Variants in EXOC6B observed in about 807,000 individuals in gnomAD.
The protein encoded by EXOC6B is exocyst complex component 6B, also known as SEC15 homolog B.
Under a neutral mutation model 113.5 loss-of-function variants are expected in EXOC6B, and 54 were observed. The observed-to-expected ratio is 0.48, with a 90% confidence interval of 0.38 to 0.60. EXOC6B has a LOEUF of 0.60. Among genes scored for constraint, EXOC6B ranks in the 20% least tolerant of loss-of-function variants. EXOC6B has a pLI of 0.00. For missense variants in EXOC6B, 797 were observed against 977.5 expected, an observed-to-expected ratio of 0.82 and a Z score of 2.46; for synonymous variants, 357 against 339.0, an observed-to-expected ratio of 1.05 and a Z score of -0.58.
chr2:72,654,561 T>C (rs1401716439), intron 6 of EXOC6B, among the ~76,000 whole-genome samples: 1 of 152,240 alleles, frequency 6.6e-6, no homozygotes, highest in Non-Finnish European at 1.5e-5. Context: ...TCCAGAGATG[T>C]AAATTAAACA....
intron 20 of EXOC6B, among the ~76,000 whole-genome samples, chr2:72,240,384 T>A (rs1682236996): frequency 6.6e-6 from 1 of 152,062 alleles, no homozygotes; most frequent in African/African-American, 2.4e-5. Context: ...TATTCTTGAG[T>A]ATCAAAGCCC....
intron 20 of EXOC6B, among the ~76,000 whole-genome samples, chr2:72,329,116 CT>C (rs1208212301): frequency 3.3e-5 from 5 of 152,104 alleles, no homozygotes; most frequent in African/African-American, 1.2e-4. Context: ...TGTATTTTCT[CT>C]ACCAAGAATA....
intron 18 of EXOC6B, among the ~76,000 whole-genome samples, chr2:72,384,046 A>G (rs641939): frequency 0.36 from 54,965 of 151,882 alleles, 16,195 homozygotes; most frequent in African/African-American, 0.82. Flanking sequence ...TACCTTTCAG[A>G]CACTATGCTT....
At chr2:72,516,836 G>A (rs999636540) in intron 8 of EXOC6B, among the ~76,000 whole-genome samples, 1 of 152,082 alleles carries the variant, frequency 6.6e-6, no homozygotes, top group African/African-American at 2.4e-5. Context: ...AAAGCTCTTA[G>A]AACAGTATCT....
intron 15 of EXOC6B, 35 bp from the exon 16 acceptor site, chr2:72,492,464 G>A (rs368209247): frequency 1.1e-5 from 16 of 1,402,904 alleles, no homozygotes; most frequent in Middle Eastern, 3.5e-4. Context: ...GTCATAGCAG[G>A]TAGCAGAATT....
chr2:72,263,349 C>T (rs925677828), intron 20 of EXOC6B: 1 of 152,176 alleles, frequency 6.6e-6, no homozygotes, highest in African/African-American at 2.4e-5. Flanking sequence ...GATATTTAAT[C>T]CTTGTTTGTT....
chr2:72,655,572 T>C (rs1011067116), intron 6 of EXOC6B, among the ~76,000 whole-genome samples: 3 of 152,042 alleles, frequency 2.0e-5, no homozygotes, highest in Non-Finnish European at 4.4e-5. Context: ...CTCCATTTAA[T>C]GTAAATGTAT....
chr2:72,613,914 G>A (rs558164564), intron 6 of EXOC6B, among the ~76,000 whole-genome samples: 1 of 152,178 alleles, frequency 6.6e-6, no homozygotes, highest in East Asian at 1.9e-4. Context: ...AAGTTGTCTT[G>A]ACAAATGAAA....
At chr2:72,795,432 C>T (rs145051218) in intron 1 of EXOC6B, among the ~76,000 whole-genome samples, 5,728 of 151,984 alleles carry the variant, frequency 0.038, 337 homozygotes, top group African/African-American at 0.13. Flanking sequence ...AAAAATTAGC[C>T]GGGCGTTGTG....
intron 1 of EXOC6B, among the ~76,000 whole-genome samples, chr2:72,762,088 A>G (rs1682771803): frequency 6.6e-6 from 1 of 152,090 alleles, no homozygotes; most frequent in African/African-American, 2.4e-5. Context: ...TACAAAAAAT[A>G]CAAAAATTAG....
At chr2:72,405,652 TGAAA>T (rs1253492621) in intron 18 of EXOC6B, among the ~76,000 whole-genome samples, 1 of 152,136 alleles carries the variant, frequency 6.6e-6, no homozygotes, top group Admixed American at 6.5e-5. Flanking sequence ...AAGCAAATGC[TGAAA>T]GATTTTGTCA....
chr2:72,794,078 C>A (rs1453322781), intron 1 of EXOC6B, among the ~76,000 whole-genome samples: 1 of 152,196 alleles, frequency 6.6e-6, no homozygotes, highest in East Asian at 1.9e-4. Flanking sequence ...TTGCTAATCA[C>A]TGCCATGTTT....
intron 18 of EXOC6B, among the ~76,000 whole-genome samples, chr2:72,405,765 C>A (rs1693706958): frequency 1.3e-5 from 2 of 152,162 alleles, no homozygotes; most frequent in South Asian, 2.1e-4. Flanking sequence ...ATTGTAAAGA[C>A]CATCGATGCT....
chr2:72,587,463 G>A (rs1292133188), intron 6 of EXOC6B, among the ~76,000 whole-genome samples: 5 of 152,098 alleles, frequency 3.3e-5, no homozygotes, highest in Non-Finnish European at 5.9e-5. Flanking sequence ...TTAACTGTTG[G>A]ATACTATGCT....
chr2:72,312,832 A>G (rs1174835523), intron 20 of EXOC6B, among the ~76,000 whole-genome samples: 1 of 151,946 alleles, frequency 6.6e-6, no homozygotes, highest in African/African-American at 2.4e-5. Flanking sequence ...CAAAGTGAAA[A>G]TGAGGATTAT....
At chr2:72,785,739 A>T (rs1426634161) in intron 1 of EXOC6B, among the ~76,000 whole-genome samples, 2 of 152,228 alleles carry the variant, frequency 1.3e-5, no homozygotes, top group Non-Finnish European at 2.9e-5. Flanking sequence ...TCCTGGGCCT[A>T]TGGGCCTGTG....
chr2:72,473,677 T>C (rs1698545711), intron 17 of EXOC6B, among the ~76,000 whole-genome samples: 1 of 152,116 alleles, frequency 6.6e-6, no homozygotes, highest in South Asian at 2.1e-4. Flanking sequence ...ACACCCAAAA[T>C]TATTATTGAT....
At chr2:72,537,517 A>T (rs999731003) in intron 8 of EXOC6B, among the ~76,000 whole-genome samples, 2 of 151,588 alleles carry the variant, frequency 1.3e-5, no homozygotes, top group Non-Finnish European at 2.9e-5. Flanking sequence ...TATAGTCCCA[A>T]CTACTCTGGA....
chr2:72,738,149 A>G (rs907706358), intron 2 of EXOC6B, among the ~76,000 whole-genome samples: 1 of 152,200 alleles, frequency 6.6e-6, no homozygotes, highest in South Asian at 2.1e-4. Flanking sequence ...CATGCCCTAG[A>G]GGACTCACTC....
Sources: gnomAD v4.1 joint callset for allele counts (sites outside exome capture counted in the v4.1 genomes callset) on GRCh38, gnomAD v4.1.1 for gene constraint, MANE v1.5 for transcripts, NCBI Gene and HGNC (gene_info 2026-07-23, HGNC 2026-07-21) for gene names.